PRKD1: variants seen among roughly 807,000 people sequenced by gnomAD.
PRKD1 encodes serine/threonine-protein kinase D1.
PRKD1 carries 63 observed loss-of-function variants against 95.9 expected under a neutral mutation model. The observed-to-expected ratio is 0.66, with a 90% CI of 0.54 to 0.81. PRKD1 has a LOEUF of 0.81. Among genes scored for constraint, PRKD1 ranks in the 30% least tolerant of loss-of-function variants. The pLI, the probability that PRKD1 is intolerant of heterozygous loss-of-function variation, is 0.00. For missense variants in PRKD1, 1,048 were observed against 1,165.3 expected (o/e 0.90, Z 1.47); for synonymous variants, 425 against 423.1 (o/e 1.00, Z -0.05).
At chr14:29,842,979 C>T (rs1394214887) in intron 1 of PRKD1, among the ~76,000 whole-genome samples, 5 of 152,062 alleles carry the variant, frequency 3.3e-5, no homozygotes, top group Admixed American at 6.6e-5. Flanking sequence ...ACAAATCATC[C>T]CAACCAAGCA....
intron 13 of PRKD1, among the ~76,000 whole-genome samples, chr14:29,612,550 G>T (rs1354489103): frequency 2.6e-5 from 4 of 152,128 alleles, no homozygotes; most frequent in Admixed American, 6.5e-5. Context: ...GGTGGAAAGA[G>T]ATTTACTAAA....
chr14:29,744,513 C>G (rs999155678), intron 1 of PRKD1, among the ~76,000 whole-genome samples: 1 of 152,136 alleles, frequency 6.6e-6, no homozygotes, highest in Non-Finnish European at 1.5e-5. Context: ...CCCCAGCAAT[C>G]TACTCTACAA....
At chr14:29,764,036 G>A (rs1888148385) in intron 1 of PRKD1, among the ~76,000 whole-genome samples, 2 of 151,492 alleles carry the variant, frequency 1.3e-5, no homozygotes, top group South Asian at 2.1e-4. Context: ...TATATAGAGA[G>A]TTTTTTTTTC....
intron 13 of PRKD1, among the ~76,000 whole-genome samples, chr14:29,609,632 C>G (rs1323297113): frequency 5.9e-5 from 9 of 151,742 alleles, no homozygotes; most frequent in Non-Finnish European, 1.3e-4. Context: ...CCTCCACCTC[C>G]CAGGCTCAAG....
intron 1 of PRKD1, among the ~76,000 whole-genome samples, chr14:29,843,079 A>C (rs1032271872): frequency 6.6e-6 from 1 of 152,214 alleles, no homozygotes; most frequent in African/African-American, 2.4e-5. Context: ...CCTAACTCCT[A>C]GTACCTCAGA....
chr14:29,840,659 G>A (rs1356479121), intron 1 of PRKD1, among the ~76,000 whole-genome samples: 1 of 152,214 alleles, frequency 6.6e-6, no homozygotes, highest in Non-Finnish European at 1.5e-5. Flanking sequence ...GTTCCACATG[G>A]CTGGGGAAGT....
intron 1 of PRKD1, among the ~76,000 whole-genome samples, chr14:29,787,713 T>C (rs1459877157): frequency 3.3e-5 from 5 of 152,168 alleles, no homozygotes; most frequent in Non-Finnish European, 2.9e-5. Flanking sequence ...TTTCATTTTA[T>C]GTGTGTCTAC....
chr14:29,795,735 G>C (rs1889785145), intron 1 of PRKD1, among the ~76,000 whole-genome samples: 1 of 152,050 alleles, frequency 6.6e-6, no homozygotes, highest in East Asian at 1.9e-4. Flanking sequence ...GACTTAGAAT[G>C]CAAAATGTTC....
At chr14:29,886,737 A>G (rs1893720008) in intron 1 of PRKD1, among the ~76,000 whole-genome samples, 1 of 152,228 alleles carries the variant, frequency 6.6e-6, no homozygotes, top group Non-Finnish European at 1.5e-5. Flanking sequence ...CCCACTATAA[A>G]CATATACTGA....
chr14:29,715,422 A>G (rs2139367504), intron 2 of PRKD1, among the ~76,000 whole-genome samples: 2 of 152,192 alleles, frequency 1.3e-5, no homozygotes, highest in South Asian at 4.1e-4. Context: ...TTGCATTTTA[A>G]TTTATTTTAA....
At chr14:29,903,826 T>C (rs1894404593) in intron 1 of PRKD1, among the ~76,000 whole-genome samples, 3 of 152,174 alleles carry the variant, frequency 2.0e-5, no homozygotes, top group African/African-American at 7.2e-5. Flanking sequence ...AAATAAAGCC[T>C]AAGCTTGTAC....
At chr14:29,693,882 T>C (rs1004328711) in intron 2 of PRKD1, among the ~76,000 whole-genome samples, 1 of 152,186 alleles carries the variant, frequency 6.6e-6, no homozygotes, top group Non-Finnish European at 1.5e-5. Context: ...TTTTGGATAG[T>C]CTTTTCAGTA....
At position 29,632,724 on chromosome 14, in the gene PRKD1, C is replaced by T. The variant is rs1307705767; in HGVS notation, c.1392+145G>A. On this transcript the variant is annotated intron_variant, in intron 9 of 17. Transcript: ENST00000331968. ...ACCTGAATCCCAAGAAATTTGTAGA[C>T]TATAGAGAAGAAAAAAAAAATAGTT... The T allele has an allele frequency of 8.9e-6, 6 of 676,774 alleles. No individual in the cohort carries two copies. The East Asian group carries it at 1.6e-4, about 18-fold the overall frequency. The allele number at this position is 676,774 out of a possible 1,614,324, so 41.9% of individuals were successfully genotyped here.
intron 6 of PRKD1, 69 bp from the exon 7 acceptor site, chr14:29,636,563 G>A: frequency 3.3e-6 from 5 of 1,509,594 alleles, no homozygotes; most frequent in Non-Finnish European, 4.6e-6. Flanking sequence ...AGACAGTCAG[G>A]TGATCCTAAA....
chr14:29,604,973 A>G (rs549389302), intron 13 of PRKD1, among the ~76,000 whole-genome samples: 8 of 152,242 alleles, frequency 5.3e-5, no homozygotes, highest in African/African-American at 1.9e-4. Flanking sequence ...CGAATCACCT[A>G]GGTCAGAAAC....
chr14:29,899,465 G>A (rs556310418), intron 1 of PRKD1, among the ~76,000 whole-genome samples: 5 of 152,150 alleles, frequency 3.3e-5, no homozygotes, highest in South Asian at 4.2e-4. Flanking sequence ...TGGTCAACAT[G>A]GTAAAACCCC....
At chr14:29,668,971 T>C (rs1882683719) in intron 2 of PRKD1, among the ~76,000 whole-genome samples, 1 of 152,216 alleles carries the variant, frequency 6.6e-6, no homozygotes. Context: ...CAGAACCATA[T>C]AAACTCTCTC....
intron 1 of PRKD1, among the ~76,000 whole-genome samples, chr14:29,791,668 G>T (rs930098867): frequency 6.6e-6 from 1 of 152,024 alleles, no homozygotes; most frequent in Admixed American, 6.6e-5. Context: ...CCTTGTTATT[G>T]CCAAATAATA....
intron 2 of PRKD1, among the ~76,000 whole-genome samples, chr14:29,699,057 T>C (rs1271084987): frequency 2.0e-5 from 3 of 152,220 alleles, no homozygotes; most frequent in African/African-American, 7.2e-5. Flanking sequence ...TTATATAGTA[T>C]TTAATGGCAA....
Sources: allele counts gnomAD v4.1 joint callset (sites outside exome capture counted in the v4.1 genomes callset), GRCh38; gene constraint gnomAD v4.1.1; transcripts MANE v1.5; gene names NCBI Gene and HGNC (gene_info 2026-07-23, HGNC 2026-07-21).